EFL1: variants seen among roughly 807,000 people sequenced by gnomAD.
The protein encoded by EFL1 is elongation factor-like GTPase 1.
A neutral mutation model predicts 126.7 loss-of-function variants in EFL1; 76 were observed. That is an observed-to-expected ratio of 0.60 (90% confidence interval 0.50 to 0.73). The LOEUF (loss-of-function observed/expected upper bound fraction) is 0.73. Ranked by LOEUF, EFL1 falls within the 30% of genes least tolerant of loss-of-function variation. The pLI, the probability that EFL1 is intolerant of heterozygous loss-of-function variation, is 0.00. For synonymous variants in EFL1, 410 were observed against 448.4 expected (o/e 0.91, Z 1.08); for missense variants, 1,128 against 1,343.2 (o/e 0.84, Z 2.50).
intron 7 of EFL1, among the ~76,000 whole-genome samples, chr15:82,236,561 T>C (rs1479475336): frequency 2.6e-5 from 4 of 152,202 alleles, no homozygotes; most frequent in Non-Finnish European, 4.4e-5. Context: ...AGCAATTCTA[T>C]GGAGAATAGA....
Position 82,130,409 on chromosome 15 carries a change from A to G in EFL1, c.3327T>C (p.His1109=), listed in dbSNP as rs768846189. The G allele has an allele frequency of 6.2e-7, 1 of 1,614,160 alleles. No homozygotes were observed. The change falls in exon 20 of 20, where the codon CAT becomes CAC. Residue 1109 remains histidine, a synonymous_variant. Coordinates refer to ENST00000268206, the MANE Select transcript of EFL1 (RefSeq NM_024580.6). ...TGCTGAGTGTCCTCTGCTTTTCTGC[A>G]TGCTCCACAATCTTTTCTTCCACAT... ...GLYVEEKIVE[H]AEKQRTLSKN...
At chr15:82,187,448 A>G (rs1266402887) in intron 15 of EFL1, among the ~76,000 whole-genome samples, 2 of 152,100 alleles carry the variant, frequency 1.3e-5, no homozygotes, top group Non-Finnish European at 2.9e-5. Flanking sequence ...ACAATTTTTT[A>G]TTATTAACTT....
At chr15:82,166,849 T>C (rs1223908687) in intron 15 of EFL1, among the ~76,000 whole-genome samples, 2 of 152,234 alleles carry the variant, frequency 1.3e-5, no homozygotes, top group Non-Finnish European at 2.9e-5. Context: ...GTGATTTTCA[T>C]TTCAGTCACT....
At chr15:82,159,149 G>A (rs2073996860) in intron 16 of EFL1, among the ~76,000 whole-genome samples, 1 of 129,118 alleles carries the variant, frequency 7.7e-6, no homozygotes, top group Admixed American at 7.1e-5. Context: ...TTGGCATACT[G>A]TAATTTTTTT....
chr15:82,207,219 T>C (rs960652056), intron 15 of EFL1, among the ~76,000 whole-genome samples: 5 of 151,386 alleles, frequency 3.3e-5, no homozygotes, highest in African/African-American at 9.7e-5. Context: ...AAAAGGAGGA[T>C]ACTTCCTTTT....
Position 82,164,202 on chromosome 15 carries a change from T to G in EFL1, c.1751-218A>C, listed in dbSNP as rs936539933. ...GAAATTCTGCCTTTTGTTTCCCACA[T>G]GTACAAATCCTATTATATCAGATTG... On this transcript the variant is annotated intron_variant, in intron 15 of 19. Transcript: ENST00000268206. 3.3e-5 allele frequency among the ~76,000 whole-genome samples: 5 copies of G among 152,100 alleles called. No homozygotes were observed. In the East Asian group the frequency reaches 9.6e-4, roughly 29 times the overall value.
At chr15:82,223,290 G>GAAAAGAACA (rs2074730558) in intron 12 of EFL1, among the ~76,000 whole-genome samples, 1 of 150,734 alleles carries the variant, frequency 6.6e-6, no homozygotes, top group Non-Finnish European at 1.5e-5. Flanking sequence ...CTAGAAGATG[G>GAAAAGAACA]AAAAGAACAA....
chr15:82,193,061 A>C (rs1184263465), intron 15 of EFL1, among the ~76,000 whole-genome samples: 1 of 152,238 alleles, frequency 6.6e-6, no homozygotes, highest in Admixed American at 6.5e-5. Flanking sequence ...AATTCAAATG[A>C]GTGAAACCAA....
chr15:82,220,858 G>C (rs2074704515), intron 12 of EFL1, among the ~76,000 whole-genome samples: 1 of 152,194 alleles, frequency 6.6e-6, no homozygotes, highest in Admixed American at 6.5e-5. Flanking sequence ...AAGGTATTTA[G>C]AGTTTTAATA....
intron 18 of EFL1, among the ~76,000 whole-genome samples, chr15:82,140,427 T>C (rs2073774019): frequency 6.6e-6 from 1 of 152,222 alleles, no homozygotes; most frequent in African/African-American, 2.4e-5. Flanking sequence ...CTTAGTATTA[T>C]TCTCCTTACA....
chr15:82,154,685 T>C (rs1314035020), intron 17 of EFL1, among the ~76,000 whole-genome samples: 1 of 152,200 alleles, frequency 6.6e-6, no homozygotes, highest in Non-Finnish European at 1.5e-5. Context: ...CTGATTTTTA[T>C]TGTAATAGCC....
At chr15:82,141,369 C>T (rs1299220277) in intron 18 of EFL1, among the ~76,000 whole-genome samples, 3 of 152,132 alleles carry the variant, frequency 2.0e-5, no homozygotes, top group East Asian at 1.9e-4. Flanking sequence ...CTATCTCATT[C>T]GCAGAAATGT....
intron 8 of EFL1, 137 bp downstream of exon 8, chr15:82,230,710 AT>A: frequency 9.8e-7 from 1 of 1,024,464 alleles, no homozygotes. Flanking sequence ...GCCTTTCCCA[AT>A]TATATACAGT....
At chr15:82,139,148 T>A (rs1246161136) in intron 18 of EFL1, among the ~76,000 whole-genome samples, 1 of 152,188 alleles carries the variant, frequency 6.6e-6, no homozygotes, top group African/African-American at 2.4e-5. Flanking sequence ...GTTTCACCTA[T>A]AAGCTATCTT....
chr15:82,244,291 G>A (rs1390959846), intron 4 of EFL1, among the ~76,000 whole-genome samples: 1 of 152,066 alleles, frequency 6.6e-6, no homozygotes, highest in Non-Finnish European at 1.5e-5. Context: ...CCACTTTTGC[G>A]TGTGTGTGAT....
At chr15:82,209,310 G>GACACACACACACACACACAC (rs1439189664) in intron 15 of EFL1, among the ~76,000 whole-genome samples, 2 of 94,840 alleles carry the variant, frequency 2.1e-5, no homozygotes, top group African/African-American at 7.9e-5. Flanking sequence ...TTCACACACA[G>GACACACACACACACACACAC]ACACAGACAC....
At chr15:82,220,831 T>C (rs1389969520) in intron 12 of EFL1, among the ~76,000 whole-genome samples, 1 of 152,200 alleles carries the variant, frequency 6.6e-6, no homozygotes, top group African/African-American at 2.4e-5. Flanking sequence ...TACCCTCATG[T>C]CTGTCAGGAC....
At chr15:82,236,097 G>A (rs1450263437) in intron 7 of EFL1, among the ~76,000 whole-genome samples, 1 of 151,778 alleles carries the variant, frequency 6.6e-6, no homozygotes, top group Admixed American at 6.6e-5. Context: ...AAAATTAAGT[G>A]TAAATCTAAC....
chr15:82,167,832 G>GA (rs2141246540), intron 15 of EFL1, among the ~76,000 whole-genome samples: 1 of 152,208 alleles, frequency 6.6e-6, no homozygotes, highest in South Asian at 2.1e-4. Context: ...AAATTTGTGG[G>GA]AAAAAACGTT....
Sources: gnomAD v4.1 joint callset for allele counts (sites outside exome capture counted in the v4.1 genomes callset) on GRCh38, gnomAD v4.1.1 for gene constraint, MANE v1.5 for transcripts, NCBI Gene and HGNC (gene_info 2026-07-23, HGNC 2026-07-21) for gene names.